CECR2: variants seen among roughly 807,000 people sequenced by gnomAD.
The protein encoded by CECR2 is chromatin remodeling regulator CECR2.
A neutral mutation model predicts 154.5 loss-of-function variants in CECR2; 30 were observed. The ratio of observed to expected loss-of-function variants is 0.19; its 90% CI spans 0.15 to 0.26. The LOEUF (loss-of-function observed/expected upper bound fraction) is 0.26, where lower values mean the gene tolerates loss of function less well. Among genes scored for constraint, CECR2 ranks in the 10% least tolerant of loss-of-function variants. The probability of loss-of-function intolerance (pLI) is 1.00; values close to 1 mark genes in which losing one functional copy is unlikely to be tolerated. For synonymous variants in CECR2, 725 were observed against 683.7 expected (o/e 1.06, Z -0.94); for missense variants, 1,743 against 1,829.3 (o/e 0.95, Z 0.86).
intron 1 of CECR2, among the ~76,000 whole-genome samples, chr22:17,441,137 T>TG (rs1266723124): frequency 1.3e-5 from 2 of 152,118 alleles, no homozygotes; most frequent in Non-Finnish European, 2.9e-5. Flanking sequence ...TTAATAGAGA[T>TG]GGGGTTTCAC....
chr22:17,489,235 G>T (rs183954017), intron 2 of CECR2, among the ~76,000 whole-genome samples: 2 of 152,244 alleles, frequency 1.3e-5, no homozygotes, highest in Non-Finnish European at 2.9e-5. Flanking sequence ...GCCCGGCCTA[G>T]TTACTTCCTA....
At chr22:17,523,004 C>T (rs535058487) in intron 8 of CECR2, among the ~76,000 whole-genome samples, 23 of 131,510 alleles carry the variant, frequency 1.7e-4, no homozygotes, top group African/African-American at 6.0e-4. Flanking sequence ...GACTCCATCT[C>T]GGGGGGAAAA....
chr22:17,440,236 T>C (rs1441256333), intron 1 of CECR2, among the ~76,000 whole-genome samples: 1 of 152,178 alleles, frequency 6.6e-6, no homozygotes, highest in African/African-American at 2.4e-5. Context: ...GGGGGGTATC[T>C]GTATTTATTC....
chr22:17,509,103 TAGTC>T (rs1234919136), intron 7 of CECR2, among the ~76,000 whole-genome samples: 1 of 151,942 alleles, frequency 6.6e-6, no homozygotes, highest in Non-Finnish European at 1.5e-5. Flanking sequence ...ATGCACAAAT[TAGTC>T]AGGCATGGTG....
At position 17,433,816 on chromosome 22, in the gene CECR2, T is replaced by C. The variant is rs149422549; in HGVS notation, c.127-43772T>C. Among the ~76,000 whole-genome samples the C allele has an allele frequency of 1.4e-4, 22 of 152,316 alleles. No individual in the cohort carries two copies. The East Asian group carries it at 2.1e-3, about 15-fold the overall frequency. On this transcript the variant is annotated intron_variant, in intron 1 of 18. Transcript: ENST00000262608. Reference sequence around the variant, plus strand: ...TGCATTATCAAGGAGGAGCTATTGCTGAAAATTGGTTCTTTTAGGGGGAGG... The same window carrying C: ...TGCATTATCAAGGAGGAGCTATTGCCGAAAATTGGTTCTTTTAGGGGGAGG...
chr22:17,422,935 G>A (rs2054278765), intron 1 of CECR2, among the ~76,000 whole-genome samples: 1 of 152,076 alleles, frequency 6.6e-6, no homozygotes, highest in Non-Finnish European at 1.5e-5. Context: ...CTCCATTAGA[G>A]TCCTTCACAT....
intron 2 of CECR2, among the ~76,000 whole-genome samples, chr22:17,492,958 T>A (rs916796874): frequency 6.6e-6 from 1 of 152,046 alleles, no homozygotes; most frequent in Non-Finnish European, 1.5e-5. Flanking sequence ...CTTTATTTTA[T>A]TTTACTTTAT....
intron 6 of CECR2, among the ~76,000 whole-genome samples, chr22:17,504,081 T>TAAATAAA: frequency 1.7e-5 from 1 of 59,358 alleles, no homozygotes; most frequent in African/African-American, 5.8e-5. Flanking sequence ...TAAATAAAAT[T>TAAATAAA]TAAAAGTAGG....
At chr22:17,415,602 G>A (rs2054146045) in intron 1 of CECR2, among the ~76,000 whole-genome samples, 1 of 152,178 alleles carries the variant, frequency 6.6e-6, no homozygotes, top group Admixed American at 6.5e-5. Flanking sequence ...TTTACACCAT[G>A]CATTGGATAA....
At chr22:17,457,733 C>T (rs552807708) in intron 1 of CECR2, among the ~76,000 whole-genome samples, 12 of 152,310 alleles carry the variant, frequency 7.9e-5, no homozygotes, top group Middle Eastern at 3.4e-3. Context: ...TGCTGTACCT[C>T]TCAAGTTGCA....
chr22:17,485,333 G>A (rs2055401117), intron 2 of CECR2, among the ~76,000 whole-genome samples: 1 of 152,158 alleles, frequency 6.6e-6, no homozygotes, highest in South Asian at 2.1e-4. Flanking sequence ...GAGAAGTACA[G>A]GAGAAAAGTG....
In CECR2 at chr22:17,552,956, C is replaced by G; in HGVS notation, c.*116C>G. 1 of 1,505,230 alleles carries G rather than the reference C, an allele frequency of 6.6e-7. No homozygotes were observed. The allele number at this position is 1,505,230 out of a possible 1,614,324, so 93.2% of individuals were successfully genotyped here. ...CATCACCTGCTCCACCCCTTCACGG[C>G]GACCCACTCGTGCCATACTTGAGCT... On this transcript the variant is annotated 3_prime_UTR_variant, in exon 19 of 19. Transcript: ENST00000262608.
rs573595684 is a variant in CECR2 at position 17,552,209 on chromosome 22, C to T, written c.4389+67C>T. The T allele has an allele frequency of 2.3e-5, 32 of 1,393,886 alleles. No individual in the cohort carries two copies. In the East Asian group the frequency reaches 6.7e-4, roughly 29 times the overall value. 86.3% of individuals were successfully genotyped at this position (1,393,886 alleles called of 1,614,324 possible). A position where few individuals can be genotyped will look rare whatever the true frequency, so the allele number is the denominator to read the frequency against. The stretch of plus-strand genomic sequence containing the variant: ...GTGGTAGGAAGTAAGTATATGACAA[C>T]CTTGCTGTTCTGAAAAAATGTTTTA... On this transcript the variant is annotated intron_variant, in intron 18 of 18. Coordinates refer to ENST00000262608, the MANE Select transcript of CECR2 (RefSeq NM_001290047.2).
At chr22:17,457,633 A>G (rs1476141712) in intron 1 of CECR2, among the ~76,000 whole-genome samples, 3 of 152,222 alleles carry the variant, frequency 2.0e-5, no homozygotes, top group African/African-American at 7.2e-5. Flanking sequence ...AAGTATAAAC[A>G]TCCATTTACC....
chr22:17,503,368 C>T (rs3886836), intron 6 of CECR2, among the ~76,000 whole-genome samples: 19,828 of 152,180 alleles, frequency 0.13, 1,508 homozygotes, highest in Non-Finnish European at 0.17. Context: ...TTACTGGGGA[C>T]AGTGTAATAG....
At chr22:17,500,150 G>T (rs952427066) in intron 4 of CECR2, among the ~76,000 whole-genome samples, 3 of 149,428 alleles carry the variant, frequency 2.0e-5, no homozygotes, top group Non-Finnish European at 4.4e-5. Context: ...GGCTGATCTT[G>T]CAGTGAGCCG....
At chr22:17,390,494 G>C (rs149291891) in intron 1 of CECR2, among the ~76,000 whole-genome samples, 1 of 152,148 alleles carries the variant, frequency 6.6e-6, no homozygotes, top group Non-Finnish European at 1.5e-5. Flanking sequence ...CAAACATCCT[G>C]TTTCTTCTCC....
chr22:17,499,308 T>A, intron 3 of CECR2, 102 bp from the exon 4 acceptor site: 1 of 1,403,696 alleles, frequency 7.1e-7, no homozygotes, highest in Non-Finnish European at 9.7e-7. Context: ...CATTTTTAGA[T>A]TTGAGTTATG....
chr22:17,450,045 G>A (rs2054743819), intron 1 of CECR2, among the ~76,000 whole-genome samples: 1 of 152,204 alleles, frequency 6.6e-6, no homozygotes. Context: ...AAACGCAGCA[G>A]TTTGGTAATA....
Sources: allele counts gnomAD v4.1 joint callset (sites outside exome capture counted in the v4.1 genomes callset), GRCh38; gene constraint gnomAD v4.1.1; transcripts MANE v1.5; gene names NCBI Gene and HGNC (gene_info 2026-07-23, HGNC 2026-07-21).